Variants in PCDHGB1 observed in about 807,000 individuals in gnomAD.
PCDHGB1 encodes the protein protocadherin gamma-B1.
A neutral mutation model predicts 56.6 loss-of-function variants in PCDHGB1; 34 were observed. That is an observed-to-expected ratio of 0.60 (90% CI 0.46 to 0.80). The LOEUF (loss-of-function observed/expected upper bound fraction) is 0.80. Among genes scored for constraint, PCDHGB1 ranks in the 30% least tolerant of loss-of-function variants. PCDHGB1 has a pLI of 0.00. For synonymous variants in PCDHGB1, 561 were observed against 505.9 expected (o/e 1.11, Z -1.46); for missense variants, 1,278 against 1,204.6 (o/e 1.06, Z -0.90).
At chr5:141,354,787 T>C (rs1473685855) in intron 1 of PCDHGB1, among the ~76,000 whole-genome samples, 2 of 152,328 alleles carry the variant, frequency 1.3e-5, no homozygotes, top group Admixed American at 6.5e-5. Context: ...ATATTTTCTC[T>C]AAGAAAATAA....
intron 1 of PCDHGB1, chr5:141,414,540 C>A (rs1158346953): frequency 1.2e-5 from 19 of 1,613,948 alleles, no homozygotes; most frequent in Non-Finnish European, 1.5e-5. Context: ...ACCCACCTAC[C>A]TTCTCTCAAG....
intron 1 of PCDHGB1, chr5:141,366,380 C>T: frequency 6.2e-7 from 1 of 1,614,106 alleles, no homozygotes; most frequent in Non-Finnish European, 8.5e-7. Flanking sequence ...CCCCATTGAC[C>T]CTGAGGATCT....
intron 1 of PCDHGB1, among the ~76,000 whole-genome samples, chr5:141,437,919 G>A (rs2097917914): frequency 1.3e-5 from 2 of 152,078 alleles, no homozygotes; most frequent in Admixed American, 1.3e-4. Context: ...TGTATTTTTA[G>A]TAGAGATGGG....
In PCDHGB1 at chr5:141,398,855, A is replaced by G. The variant is rs1376506270; in HGVS notation, c.2409+46186A>G. ...GCCAATGATAATCCCCCGGTATTCA[A>G]CCGAGACGTGTACAGAGTCAGCCTT... On this transcript the variant is annotated intron_variant, in intron 1 of 3. Coordinates refer to ENST00000523390, the MANE Select transcript of PCDHGB1 (RefSeq NM_018922.3). 2.5e-6 allele frequency: 4 copies of G among 1,613,852 alleles called. No individual in the cohort carries two copies. The African/African-American group carries it at 5.3e-5, about 22-fold the overall frequency.
chr5:141,383,075 TG>T, intron 1 of PCDHGB1: 2 of 1,613,878 alleles, frequency 1.2e-6, no homozygotes, highest in Non-Finnish European at 1.7e-6. Flanking sequence ...CCCCGGGAGC[TG>T]GCGGAGCGCG....
intron 1 of PCDHGB1, chr5:141,375,260 G>A: frequency 6.2e-7 from 1 of 1,613,874 alleles, no homozygotes; most frequent in Non-Finnish European, 8.5e-7. Flanking sequence ...TCTCCCATTT[G>A]AATTGGAAAA....
chr5:141,351,481 C>T lies in PCDHGB1; in HGVS notation c.1221C>T (p.Asn407=). 1 of 1,613,934 alleles carries T rather than the reference C, an allele frequency of 6.2e-7. No homozygotes were observed. The highest frequency in any genetic ancestry group is 8.5e-7 in the Non-Finnish European group (1 of 1,179,850). The change falls in exon 1 of 4, where the codon AAC becomes AAT. Residue 407 remains asparagine, a synonymous_variant. Coordinates refer to ENST00000523390, the MANE Select transcript of PCDHGB1 (RefSeq NM_018922.3). ...YYKLVIAGAL[N]REQTADYNVT... ...AGCTGGTGATTGCTGGAGCCCTAAACCGGGAGCAGACAGCAGACTACAACG... is the reference window on the plus strand; with the variant it reads ...AGCTGGTGATTGCTGGAGCCCTAAATCGGGAGCAGACAGCAGACTACAACG...
intron 1 of PCDHGB1, chr5:141,478,044 C>A (rs1302168166): frequency 1.9e-6 from 3 of 1,614,184 alleles, no homozygotes; most frequent in South Asian, 1.1e-5. Flanking sequence ...CCCAGGCAGA[C>A]TCTCACGGTC....
intron 1 of PCDHGB1, chr5:141,403,965 A>G: frequency 6.2e-7 from 1 of 1,613,864 alleles, no homozygotes; most frequent in Non-Finnish European, 8.5e-7. Flanking sequence ...ATTTCGGTGG[A>G]AGATGTAAAT....
intron 1 of PCDHGB1, chr5:141,388,825 C>G: frequency 6.2e-7 from 1 of 1,613,910 alleles, no homozygotes; most frequent in Non-Finnish European, 8.5e-7. Flanking sequence ...AAAGAATATT[C>G]CATAGTTTTG....
intron 1 of PCDHGB1, among the ~76,000 whole-genome samples, chr5:141,429,387 T>TA (rs11410533): frequency 0.01 from 1,566 of 151,436 alleles, 8 homozygotes; most frequent in Middle Eastern, 0.031. Flanking sequence ...GTTTTTTTTT[T>TA]AAAAAAAATT....
At position 141,490,276 on chromosome 5, in the gene PCDHGB1, A is replaced by T; in HGVS notation, c.2410-4531A>T. 1 of 1,614,236 alleles carries T rather than the reference A, an allele frequency of 6.2e-7. No individual in the cohort carries two copies. Among genetic ancestry groups the T allele is most frequent in the Non-Finnish European group, 8.5e-7 (1 of 1,180,036 alleles). On this transcript the variant is annotated intron_variant, in intron 1 of 3. Transcript: ENST00000523390. This position sits in a 1 kb window ranked among gnomAD's most constrained non-coding sequence, Gnocchi z 5.4. ...AGTGGATGTGGGGGATGTCAATGACAATGCCCCAGAGGTGCTATTGGCCTC... is the reference window on the plus strand; with the variant it reads ...AGTGGATGTGGGGGATGTCAATGACTATGCCCCAGAGGTGCTATTGGCCTC...
chr5:141,423,805 G>GT (rs1384575574), intron 1 of PCDHGB1: 44 of 1,261,806 alleles, frequency 3.5e-5, no homozygotes, highest in South Asian at 8.9e-5. Context: ...AGCAATACAT[G>GT]TGAGTTTTAC....
In PCDHGB1 at chr5:141,511,829, G is replaced by A. The variant is rs1181369164; in HGVS notation, c.*656G>A. 1 of 156,774 alleles carries A rather than the reference G, an allele frequency of 6.4e-6. No individual in the cohort carries two copies. Among genetic ancestry groups the A allele is most frequent in the Non-Finnish European group, 1.4e-5 (1 of 70,652 alleles). The allele number at this position is 156,774 out of a possible 1,614,324, so 9.7% of individuals were successfully genotyped here. Reference sequence around the variant, plus strand: ...TACCAAGCCTCTTCCCAACGCCCTGGGGACCAGTCTTCTGTTTTGTTTTTC... The same window carrying A: ...TACCAAGCCTCTTCCCAACGCCCTGAGGACCAGTCTTCTGTTTTGTTTTTC... On this transcript the variant is annotated 3_prime_UTR_variant, in exon 4 of 4. Transcript: ENST00000523390.
At position 141,490,440 on chromosome 5, in the gene PCDHGB1, T is replaced by C. The variant is rs560525159; in HGVS notation, c.2410-4367T>C. On this transcript the variant is annotated intron_variant, in intron 1 of 3. Transcript: ENST00000523390. This position sits in a 1 kb window ranked among gnomAD's most constrained non-coding sequence, Gnocchi z 5.4. ...ACCTGCCATTTCAGATTAAGCCTTC[T>C]GAGAACCACTACTCGCTGCTAACCA... 7 of 1,614,206 alleles carry C rather than the reference T, an allele frequency of 4.3e-6. No homozygotes were observed. Among genetic ancestry groups the C allele is most frequent in the Non-Finnish European group, 5.9e-6 (7 of 1,180,040 alleles).
chr5:141,393,931 A>G (rs2092877378), intron 1 of PCDHGB1: 6 of 1,614,002 alleles, frequency 3.7e-6, no homozygotes, highest in Middle Eastern at 1.6e-4. Flanking sequence ...AGTGTGCATG[A>G]CCAAGACTCT....
chr5:141,393,088 G>C (rs760420305), intron 1 of PCDHGB1: 4 of 1,613,648 alleles, frequency 2.5e-6, no homozygotes, highest in South Asian at 1.1e-5. Context: ...AGGATAGATC[G>C]GGAGGAGCTC....
intron 1 of PCDHGB1, chr5:141,427,590 C>A: frequency 1.5e-6 from 1 of 679,008 alleles, no homozygotes; most frequent in Non-Finnish European, 2.7e-6. Flanking sequence ...CAGCACAAGC[C>A]TCACCCTACG....
chr5:141,389,990 C>T (rs2091998485), intron 1 of PCDHGB1: 3 of 1,614,044 alleles, frequency 1.9e-6, no homozygotes, highest in Non-Finnish European at 8.5e-7. Context: ...TGCTCTTCCT[C>T]GTGGCCATGA....
Sources: allele counts gnomAD v4.1 joint callset (sites outside exome capture counted in the v4.1 genomes callset), GRCh38; gene constraint gnomAD v4.1.1; non-coding constraint Gnocchi (gnomAD v3.1); transcripts MANE v1.5; gene names NCBI Gene and HGNC (gene_info 2026-07-23, HGNC 2026-07-21).